PDZD8: variants seen among roughly 807,000 people sequenced by gnomAD.
The protein encoded by PDZD8 is PDZ domain-containing protein 8.
PDZD8 carries 14 observed loss-of-function variants against 85.8 expected under a neutral mutation model. That is an observed-to-expected ratio of 0.16 (90% CI 0.11 to 0.26). The LOEUF (loss-of-function observed/expected upper bound fraction) is 0.26, where lower values mean the gene tolerates loss of function less well. PDZD8 is among the 10% of genes least tolerant of loss of function. The pLI is 1.00. For missense variants in PDZD8, 1,197 were observed against 1,424.3 expected, an observed-to-expected ratio of 0.84 and a Z score of 2.57; for synonymous variants, 592 against 568.6, an observed-to-expected ratio of 1.04 and a Z score of -0.59.
intron 2 of PDZD8, among the ~76,000 whole-genome samples, chr10:117,326,900 G>T (rs2133822720): frequency 6.6e-6 from 1 of 152,236 alleles, no homozygotes. Context: ...AGGCGACTTG[G>T]TTAAAATGGG....
At chr10:117,315,602 A>AAAAAAAAAAAAAAAAAAAAAAC in intron 3 of PDZD8, among the ~76,000 whole-genome samples, 1 of 143,314 alleles carries the variant, frequency 7.0e-6, no homozygotes, top group Non-Finnish European at 1.5e-5. Flanking sequence ...AAAAAAAAAA[A>AAAAAAAAAAAAAAAAAAAAAAC]AAAAAAAAAA....
chr10:117,320,386 T>C (rs1844209156), intron 2 of PDZD8, among the ~76,000 whole-genome samples: 2 of 152,184 alleles, frequency 1.3e-5, no homozygotes, highest in South Asian at 2.1e-4. Flanking sequence ...AAAAGCAAAA[T>C]TGTCAGAAAT....
At chr10:117,340,617 T>C (rs1844595008) in intron 2 of PDZD8, among the ~76,000 whole-genome samples, 1 of 152,184 alleles carries the variant, frequency 6.6e-6, no homozygotes, top group African/African-American at 2.4e-5. Flanking sequence ...ATCATGATGG[T>C]CCTGAATAAA....
intron 1 of PDZD8, among the ~76,000 whole-genome samples, chr10:117,350,270 T>TTC (rs1491065359): frequency 1.3e-4 from 5 of 37,542 alleles, no homozygotes; most frequent in African/African-American, 1.2e-3. Context: ...GTTTGTTTCT[T>TTC]TTTTTTTTTT....
rs1589990275 is a variant in PDZD8 at position 117,279,586 on chromosome 10, T to C, written c.*3682A>G. ...CCAGGTTAGCTTGACCATACTTTTT[T>C]GGCTTTCCACAATTTATTTTAAATT... On this transcript the variant is annotated 3_prime_UTR_variant, in exon 5 of 5. Coordinates refer to ENST00000334464, the MANE Select transcript of PDZD8 (RefSeq NM_173791.5). 2.0e-5 allele frequency: 3 copies of C among 152,222 alleles called. No homozygotes were observed. Among genetic ancestry groups the C allele is most frequent in the Non-Finnish European group, 2.9e-5 (2 of 68,042 alleles). The allele number at this position is 152,222 out of a possible 1,614,324, so 9.4% of individuals were successfully genotyped here.
intron 1 of PDZD8, among the ~76,000 whole-genome samples, chr10:117,371,674 C>G (rs556313018): frequency 5.3e-5 from 8 of 152,276 alleles, no homozygotes; most frequent in African/African-American, 1.7e-4. Context: ...GTGGCTCACA[C>G]CTGTAATCCC....
At chr10:117,358,699 T>C (rs903041875) in intron 1 of PDZD8, among the ~76,000 whole-genome samples, 1 of 152,170 alleles carries the variant, frequency 6.6e-6, no homozygotes, top group South Asian at 2.1e-4. Context: ...GCTCTAATAC[T>C]TACTAGCCTT....
At chr10:117,332,280 TC>T (rs1401510379) in intron 2 of PDZD8, among the ~76,000 whole-genome samples, 1 of 151,838 alleles carries the variant, frequency 6.6e-6, no homozygotes, top group Non-Finnish European at 1.5e-5. Flanking sequence ...CTCTTATCGT[TC>T]CCTCCAAGAA....
At chr10:117,344,593 T>C (rs543569582) in intron 1 of PDZD8, among the ~76,000 whole-genome samples, 7 of 152,104 alleles carry the variant, frequency 4.6e-5, no homozygotes, top group Admixed American at 2.0e-4. Context: ...TTCACCGTGT[T>C]AGCCAGGATG....
chr10:117,310,366 T>C (rs1844016386), intron 3 of PDZD8, among the ~76,000 whole-genome samples: 1 of 152,200 alleles, frequency 6.6e-6, no homozygotes, highest in Non-Finnish European at 1.5e-5. Flanking sequence ...GAATTTTCCT[T>C]GAAGGGAAAG....
intron 1 of PDZD8, among the ~76,000 whole-genome samples, chr10:117,351,110 T>G (rs1196798963): frequency 6.6e-6 from 1 of 152,186 alleles, no homozygotes; most frequent in East Asian, 1.9e-4. Flanking sequence ...TTAAAACTAC[T>G]TTGAAAATTG....
At chr10:117,370,069 TC>T (rs1845162725) in intron 1 of PDZD8, among the ~76,000 whole-genome samples, 1 of 152,180 alleles carries the variant, frequency 6.6e-6, no homozygotes, top group Non-Finnish European at 1.5e-5. Flanking sequence ...GTAATCTTTC[TC>T]CCTTGAGGAT....
At chr10:117,355,324 T>C (rs79834349) in intron 1 of PDZD8, among the ~76,000 whole-genome samples, 3,358 of 152,294 alleles carry the variant, frequency 0.022, 111 homozygotes, top group African/African-American at 0.074. Flanking sequence ...CATCTGGTAA[T>C]TGTTTCCTCT....
chr10:117,360,707 A>G (rs1018710428), intron 1 of PDZD8, among the ~76,000 whole-genome samples: 3 of 151,654 alleles, frequency 2.0e-5, no homozygotes, highest in Admixed American at 6.6e-5. Flanking sequence ...AATCCACTCA[A>G]CCTTGTGTCT....
At chr10:117,362,844 C>T (rs1270000542) in intron 1 of PDZD8, among the ~76,000 whole-genome samples, 2 of 151,564 alleles carry the variant, frequency 1.3e-5, no homozygotes, top group Non-Finnish European at 2.9e-5. Flanking sequence ...TCAGTTTGTA[C>T]TACCTACCAC....
chr10:117,375,175 G>T lies in PDZD8; in HGVS notation c.53C>A (p.Thr18Lys). ...LASAVLGSFL[T>K]LLAQFFLLYR... ...CAGCAGGAAGAACTGGGCGAGGAGC[G>T]TGAGGAAGGAACCCAGCACGGCCGA... The change falls in exon 1 of 5, where the codon ACG becomes AAG. Residue 18 changes from threonine to lysine, a missense_variant. Physicochemically the swap from Thr to Lys is moderately conservative, Grantham distance 78. Transcript: ENST00000334464. The T allele has an allele frequency of 1.3e-6, 2 of 1,580,570 alleles. No individual in the cohort carries two copies. The highest frequency in any genetic ancestry group is 1.1e-5 in the South Asian group (1 of 88,720).
Position 117,283,179 on chromosome 10 carries a change from T to C in PDZD8, c.*89A>G. ...AAGTAACTGGAGAAGCAGGCCAGAG[T>C]GCATACGAGGATTTAAACATGGTTG... On this transcript the variant is annotated 3_prime_UTR_variant, in exon 5 of 5. Transcript: ENST00000334464. The C allele has an allele frequency of 1.5e-6, 2 of 1,306,560 alleles. No individual in the cohort carries two copies. The highest frequency in any genetic ancestry group is 2.1e-6 in the Non-Finnish European group (2 of 952,740). 80.9% of individuals were successfully genotyped at this position (1,306,560 alleles called of 1,614,324 possible).
intron 2 of PDZD8, among the ~76,000 whole-genome samples, chr10:117,324,065 T>C (rs371237920): frequency 2.5e-4 from 38 of 151,768 alleles, no homozygotes; most frequent in African/African-American, 8.5e-4. Context: ...CTGTCTCTAC[T>C]AAAAATACAA....
Position 117,318,044 on chromosome 10 carries a change from TTTAAAAGTCAAAGGAATA to T in PDZD8, c.1098+810_1098+827del, listed in dbSNP as rs570930977. Among the ~76,000 whole-genome samples, 1,230 of 152,288 alleles carry T rather than the reference TTTAAAAGTCAAAGGAATA, an allele frequency of 8.1e-3. 9 individuals carry two copies. The highest frequency in any genetic ancestry group is 0.013 in the Non-Finnish European group (897 of 68,008). ...TAATACATAAATAAATCAGAAACAATTTAAAAGTCAAAGGAATATCCATAAAAATACTACATAGTTGTC... is the reference window on the plus strand; with the variant it reads ...TAATACATAAATAAATCAGAAACAATTCCATAAAAATACTACATAGTTGTC... On this transcript the variant is annotated intron_variant, in intron 3 of 4. Transcript: ENST00000334464.
Sources: gnomAD v4.1 joint callset for allele counts (sites outside exome capture counted in the v4.1 genomes callset) on GRCh38, gnomAD v4.1.1 for gene constraint, MANE v1.5 for transcripts, NCBI Gene and HGNC (gene_info 2026-07-23, HGNC 2026-07-21) for gene names.